Variants in DOCK9 observed in about 807,000 individuals in gnomAD.
The protein encoded by DOCK9 is dedicator of cytokinesis protein 9.
DOCK9 carries 89 observed loss-of-function variants against 263.3 expected under a neutral mutation model. The ratio of observed to expected loss-of-function variants is 0.34; its 90% CI spans 0.28 to 0.40. The LOEUF (loss-of-function observed/expected upper bound fraction) is 0.40, where lower values mean the gene tolerates loss of function less well. Among genes scored for constraint, DOCK9 ranks in the 10% least tolerant of loss-of-function variants. The pLI, the probability that DOCK9 is intolerant of heterozygous loss-of-function variation, is 1.00. For missense variants in DOCK9, 2,140 were observed against 2,603.4 expected (o/e 0.82, Z 3.87); for synonymous variants, 976 against 973.1 (o/e 1.00, Z -0.06).
At chr13:98,845,252 G>T in intron 38 of DOCK9, 1 of 1,052,962 alleles carries the variant, frequency 9.5e-7, no homozygotes, top group Non-Finnish European at 1.3e-6. Flanking sequence ...AGTTAGGAAG[G>T]CAAGATGAAC....
intron 1 of DOCK9, among the ~76,000 whole-genome samples, chr13:98,959,876 T>C (rs1212244762): frequency 2.0e-5 from 3 of 152,204 alleles, no homozygotes; most frequent in Non-Finnish European, 2.9e-5. Flanking sequence ...TTTTCAACTC[T>C]TTTTTAAACT....
chr13:98,795,763 C>CAT (rs1555330248), intron 52 of DOCK9, among the ~76,000 whole-genome samples: 3 of 145,806 alleles, frequency 2.1e-5, no homozygotes, highest in African/African-American at 7.6e-5. Flanking sequence ...TTTTTTTCTA[C>CAT]TTTTTTTTTT....
In DOCK9 at chr13:99,022,645, C is replaced by A. The variant is rs192476427; in HGVS notation, c.129+63578G>T. On this transcript the variant is annotated intron_variant, in intron 1 of 32. Transcript: ENST00000427887. ...TCTGGTAGGAGATCAAGTTAAATAG[C>A]TTTTAAAATAACACAGGTCAGCCAG... Among the ~76,000 whole-genome samples, 4 of 152,228 alleles carry A rather than the reference C, an allele frequency of 2.6e-5. No homozygotes were observed. The East Asian group carries it at 7.7e-4, about 29-fold the overall frequency.
Position 98,829,776 on chromosome 13 carries a change from G to A in DOCK9, c.4636-20C>T. 6.4e-7 allele frequency: 1 copy of A among 1,574,716 alleles called. No individual in the cohort carries two copies. Among genetic ancestry groups the A allele is most frequent in the South Asian group, 1.2e-5 (1 of 86,200 alleles). ...GATGACCTTAGGGACACACAAACAT[G>A]AGCAAATCAATTTACCTTCAAATGA... On this transcript the variant is annotated intron_variant, in intron 41 of 52. Transcript: ENST00000682017. This position sits in a 1 kb window ranked among gnomAD's most constrained non-coding sequence, Gnocchi z 4.1.
chr13:98,892,800 G>A (rs924003092), intron 15 of DOCK9, among the ~76,000 whole-genome samples: 11 of 152,116 alleles, frequency 7.2e-5, no homozygotes, highest in African/African-American at 2.4e-4. Context: ...GAGGGAACAC[G>A]GGATGAGATC....
rs531586732 is a variant in DOCK9, at chr13:98,834,282, C to T, written c.4315-2496G>A. 8 of 152,296 alleles carry T rather than the reference C, an allele frequency of 5.3e-5. 1 individual carries two copies. In the South Asian group the frequency reaches 1.7e-3, roughly 32 times the overall value. The allele number at this position is 152,296 out of a possible 1,614,324, so 9.4% of individuals were successfully genotyped here. The stretch of plus-strand genomic sequence containing the variant: ...TAACTGGAACGAAGTTAATTTAAGA[C>T]GGCAAACTCTTCCCAGTCAGACAGT... On this transcript the variant is annotated intron_variant, in intron 39 of 52. Coordinates refer to ENST00000682017, the MANE Select transcript of DOCK9 (RefSeq NM_001366683.2).
Position 98,886,605 on chromosome 13 carries a change from C to G in DOCK9, c.2063G>C (p.Gly688Ala), listed in dbSNP as rs775265224. The change falls in exon 19 of 53, where the codon GGT becomes GCT. Residue 688 changes from glycine (G) to alanine (A), a missense_variant. Physicochemically the swap from Gly to Ala is moderately conservative, Grantham distance 60. This residue lies in a region of DOCK9 where 1,521 missense variants were observed against 1,741.7 expected (regional missense o/e 0.87). Transcript: ENST00000682017. ...GGCGCTTCTTGTGAAAACTGGCCCA[C>G]CAGGTCTGCCATAAATGCACTAAAA... The part of the protein sequence containing the change: ...QPLKCIYGRP[G>A]GPVFTRSAFA... The G allele has an allele frequency of 6.2e-7, 1 of 1,613,832 alleles. No homozygotes were observed. The highest frequency in any genetic ancestry group is 8.5e-7 in the Non-Finnish European group (1 of 1,179,780).
intron 48 of DOCK9, among the ~76,000 whole-genome samples, chr13:98,805,559 C>A (rs2090608326): frequency 6.6e-6 from 1 of 152,058 alleles, no homozygotes; most frequent in Non-Finnish European, 1.5e-5. Flanking sequence ...TCATGCCTAC[C>A]CAAATTAACA....
Position 98,883,938 on chromosome 13 carries a change from A to C in DOCK9, c.2383-39T>G, listed in dbSNP as rs748762570. The C allele has an allele frequency of 1.6e-5, 24 of 1,468,754 alleles. No homozygotes were observed. The Admixed American group carries it at 4.6e-4, about 28-fold the overall frequency. The allele number at this position is 1,468,754 out of a possible 1,614,324, so 91.0% of individuals were successfully genotyped here. Reference sequence around the variant, plus strand: ...GGAAGAAACAATATCCCTACAGATTAGTTATTTTGGCTCTAACATGATCAT... The same window carrying C: ...GGAAGAAACAATATCCCTACAGATTCGTTATTTTGGCTCTAACATGATCAT... On this transcript the variant is annotated intron_variant, in intron 21 of 52. Transcript: ENST00000682017.
At position 99,053,132 on chromosome 13, in the gene DOCK9, C is replaced by G. The variant is rs191222213; in HGVS notation, c.129+33091G>C. 5.2e-3 allele frequency among the ~76,000 whole-genome samples: 787 copies of G among 152,342 alleles called. 5 individuals are homozygous for G. The highest frequency in any genetic ancestry group is 0.018 in the African/African-American group (756 of 41,578). ...ATAAAATAGATTACCACTAACATCACTCCTGCGCCCTCTCCCAGCTGCCAC... is the reference window on the plus strand; with the variant it reads ...ATAAAATAGATTACCACTAACATCAGTCCTGCGCCCTCTCCCAGCTGCCAC... On this transcript the variant is annotated intron_variant, in intron 1 of 32. Coordinates refer to the DOCK9 transcript ENST00000427887.
chr13:98,874,762 TAAAAG>T (rs143937919), intron 27 of DOCK9, among the ~76,000 whole-genome samples: 2,773 of 152,230 alleles, frequency 0.018, 41 homozygotes, highest in East Asian at 0.046. Flanking sequence ...CTTATTGATA[TAAAAG>T]TTTCCAAGCC....
At position 98,855,879 on chromosome 13, in the gene DOCK9, T is replaced by C; in HGVS notation, c.3831+19A>G. 6.2e-7 allele frequency: 1 copy of C among 1,613,378 alleles called. No individual in the cohort carries two copies. The highest frequency in any genetic ancestry group is 8.5e-7 in the Non-Finnish European group (1 of 1,179,416). On this transcript the variant is annotated intron_variant, in intron 34 of 52. Coordinates refer to ENST00000682017, the MANE Select transcript of DOCK9 (RefSeq NM_001366683.2). ...CCATTGATTATAAGAAACATTTGTG[T>C]TGGGTGAAAAGCAATTACCTTATCC...
At chr13:99,019,249 C>T (rs936976741) in intron 1 of DOCK9, among the ~76,000 whole-genome samples, 3 of 152,096 alleles carry the variant, frequency 2.0e-5, no homozygotes, top group Non-Finnish European at 4.4e-5. Flanking sequence ...GGGGTCATTG[C>T]TAGCGGGTAT....
intron 27 of DOCK9, among the ~76,000 whole-genome samples, chr13:98,878,218 T>C (rs1454803061): frequency 6.6e-6 from 1 of 152,230 alleles, no homozygotes; most frequent in Non-Finnish European, 1.5e-5. Flanking sequence ...TCAATTGTTA[T>C]AAAATAAATT....
intron 30 of DOCK9, among the ~76,000 whole-genome samples, chr13:98,864,998 C>A (rs1376444478): frequency 6.6e-6 from 1 of 152,170 alleles, no homozygotes; most frequent in Non-Finnish European, 1.5e-5. Context: ...TCACCAGAAG[C>A]CAATGTTGGC....
In DOCK9 at chr13:99,001,996, G is replaced by A. The variant is rs182939684; in HGVS notation, c.130-46445C>T. The stretch of plus-strand genomic sequence containing the variant: ...TCTCTCTACCCCACTCCCCACCTAC[G>A]CTTACATCCGTCCTTCCTCTGCGCT... On this transcript the variant is annotated intron_variant, in intron 1 of 32. Coordinates refer to the DOCK9 transcript ENST00000427887. 2.0e-3 allele frequency among the ~76,000 whole-genome samples: 301 copies of A among 152,150 alleles called. 11 individuals carry two copies. In the South Asian group the frequency reaches 0.051, roughly 26 times the overall value.
At chr13:98,887,143 A>ATTTTTTT (rs58434344) in intron 18 of DOCK9, among the ~76,000 whole-genome samples, 1 of 95,292 alleles carries the variant, frequency 1.0e-5, no homozygotes, top group Non-Finnish European at 2.0e-5. Context: ...ATATATATAT[A>ATTTTTTT]TTTTTTTTTT....
chr13:99,048,085 T>C (rs963865115), intron 1 of DOCK9, among the ~76,000 whole-genome samples: 2 of 152,236 alleles, frequency 1.3e-5, no homozygotes, highest in African/African-American at 4.8e-5. Context: ...TGATGTCCGA[T>C]GACAGTTCTC....
intron 1 of DOCK9, among the ~76,000 whole-genome samples, chr13:99,051,282 C>T (rs9557125): frequency 0.28 from 41,848 of 151,886 alleles, 6,137 homozygotes; most frequent in East Asian, 0.43. Flanking sequence ...CCCGCCAAAG[C>T]TCAGTTCTTG....
Sources: gnomAD v4.1 joint callset for allele counts (sites outside exome capture counted in the v4.1 genomes callset) on GRCh38, gnomAD v4.1.1 for gene constraint, gnomAD v4.1.1 regional missense constraint, Gnocchi (gnomAD v3.1) non-coding constraint, MANE v1.5 for transcripts, NCBI Gene and HGNC (gene_info 2026-07-23, HGNC 2026-07-21) for gene names.